The following DRC7 variants were observed in gnomAD, a reference collection of about 807,000 sequenced individuals.
DRC7 encodes dynein regulatory complex subunit 7.
In DRC7, 80 loss-of-function variants were observed where a neutral mutation model predicts 104.4. That is an observed-to-expected ratio of 0.77 (90% CI 0.64 to 0.92). The LOEUF is 0.92. Ranked by LOEUF, DRC7 falls within the 40% of genes least tolerant of loss-of-function variation. DRC7 has a pLI of 0.00. For synonymous variants in DRC7, 405 were observed against 447.3 expected (o/e 0.91, Z 1.19); for missense variants, 1,034 against 1,141.1 (o/e 0.91, Z 1.35).
At chr16:57,728,994 G>A (rs1318480042) in intron 17 of DRC7, among the ~76,000 whole-genome samples, 2 of 150,070 alleles carry the variant, frequency 1.3e-5, no homozygotes, top group Non-Finnish European at 3.0e-5. Flanking sequence ...GAATGGATGG[G>A]TGAGTAGATA....
rs371297408 is a variant in DRC7, at chr16:57,707,561, C to G, written c.960C>G (p.Ile320Met). The change falls in exon 8 of 19, where the codon ATC (isoleucine) becomes ATG (methionine). Residue 320 changes from isoleucine (I) to methionine (M), a missense_variant. By Grantham distance (10) the Ile-to-Met change is conservative (BLOSUM62 1). Coordinates refer to ENST00000360716, the MANE Select transcript of DRC7 (RefSeq NM_001289162.2). The part of the protein sequence containing the change: ...GKREVPENFF[I>M]DPFTGHSYST... ...GCGAGGTGCCTGAGAACTTCTTCATCGACCCATTCACAGGACATAGCTACA... is the reference window on the plus strand; with the variant it reads ...GCGAGGTGCCTGAGAACTTCTTCATGGACCCATTCACAGGACATAGCTACA... 6.2e-7 allele frequency: 1 copy of G among 1,613,568 alleles called. No individual in the cohort carries two copies. The highest frequency in any genetic ancestry group is 8.5e-7 in the Non-Finnish European group (1 of 1,180,018).
In DRC7 at chr16:57,721,820, G is replaced by A. The variant is rs1480309562; in HGVS notation, c.1279+81G>A. The A allele has an allele frequency of 5.8e-6, 6 of 1,040,830 alleles. No homozygotes were observed. In the African/African-American group the frequency reaches 9.5e-5, roughly 16 times the overall value. The allele number at this position is 1,040,830 out of a possible 1,614,324, so 64.5% of individuals were successfully genotyped here. The stretch of plus-strand genomic sequence containing the variant: ...AGAGAGGTCTGCAACAGCGAGGCAG[G>A]GGGACACAGCAGGGAATGCCATGCC... On this transcript the variant is annotated intron_variant, in intron 10 of 18. Coordinates refer to ENST00000360716, the MANE Select transcript of DRC7 (RefSeq NM_001289162.2).
At chr16:57,704,245 G>A (rs2048688485) in intron 6 of DRC7, among the ~76,000 whole-genome samples, 1 of 152,062 alleles carries the variant, frequency 6.6e-6, no homozygotes, top group Admixed American at 6.6e-5. Flanking sequence ...TGGAGACTCA[G>A]GGAACTTGAA....
intron 8 of DRC7, chr16:57,714,808 G>T: frequency 5.5e-6 from 2 of 364,560 alleles, no homozygotes; most frequent in South Asian, 2.4e-5. Context: ...GCTTGCTGGT[G>T]GACCCCCTTC....
In DRC7 at chr16:57,700,902, T is replaced by A. The variant is rs141838233; in HGVS notation, c.504+632T>A. 1.9e-3 allele frequency among the ~76,000 whole-genome samples: 285 copies of A among 152,266 alleles called. 5 individuals carry two copies. In the South Asian group the frequency reaches 0.032, roughly 17 times the overall value. Reference sequence around the variant, plus strand: ...AGGCAGGGGCTTTAGGTGTTTTTTCTAGGGTTGTTTTGCAGCATTTTATTG... The same window carrying A: ...AGGCAGGGGCTTTAGGTGTTTTTTCAAGGGTTGTTTTGCAGCATTTTATTG... On this transcript the variant is annotated intron_variant, in intron 5 of 18. Coordinates refer to ENST00000360716, the MANE Select transcript of DRC7 (RefSeq NM_001289162.2).
In DRC7 at chr16:57,704,862, C is replaced by T. The variant is rs1597796278; in HGVS notation, c.700-14C>T. 3 of 1,612,912 alleles carry T rather than the reference C, an allele frequency of 1.9e-6. No individual in the cohort carries two copies. In the East Asian group the frequency reaches 6.7e-5, roughly 36 times the overall value. Reference sequence around the variant, plus strand: ...TGCAGGGCCACTGACCCTTCCTCTTCTTTTGGGTGACAGACCATCAAGAAG... The same window carrying T: ...TGCAGGGCCACTGACCCTTCCTCTTTTTTTGGGTGACAGACCATCAAGAAG... On this transcript the variant is annotated splice_polypyrimidine_tract_variant and intron_variant, in intron 6 of 18. Coordinates refer to ENST00000360716, the MANE Select transcript of DRC7 (RefSeq NM_001289162.2).
rs59648903 is a variant in DRC7 at position 57,728,949 on chromosome 16, G to A, written c.2391+365G>A. 4.2e-3 allele frequency among the ~76,000 whole-genome samples: 636 copies of A among 151,562 alleles called. 6 individuals are homozygous for A. The highest frequency in any genetic ancestry group is 0.014 in the African/African-American group (584 of 41,264). The stretch of plus-strand genomic sequence containing the variant: ...GCATGAACAGATGGGTGGGTGGATG[G>A]GTGGATAAATGGATGGATAGATGGA... On this transcript the variant is annotated intron_variant, in intron 17 of 18. Transcript: ENST00000360716.
At position 57,702,062 on chromosome 16, in the gene DRC7, G is replaced by A. The variant is rs548125692; in HGVS notation, c.631G>A (p.Gly211Ser). Reference sequence around the variant, plus strand: ...TGATGCTTACTGCGTCAACGGCTACGGCTCGCTGGACCTGTGCCACATGGA... The same window carrying A: ...TGATGCTTACTGCGTCAACGGCTACAGCTCGCTGGACCTGTGCCACATGGA... ...GYDAYCVNGY[G>S]SLDLCHMDLT... is the part of the protein sequence containing the mutation. Residue 211 changes from glycine (G) to serine (S), a missense_variant, in exon 6 of 19, where the codon GGC becomes AGC. Coordinates refer to ENST00000360716, the MANE Select transcript of DRC7 (RefSeq NM_001289162.2). The A allele has an allele frequency of 2.7e-5, 44 of 1,614,190 alleles. No homozygotes were observed. In the South Asian group the frequency reaches 3.6e-4, roughly 13 times the overall value.
chr16:57,695,673 G>C (rs1193813032), intron 1 of DRC7, among the ~76,000 whole-genome samples: 6 of 152,244 alleles, frequency 3.9e-5, no homozygotes, highest in African/African-American at 1.2e-4. Flanking sequence ...CCTAGGCCTT[G>C]GGTGGCTTCC....
In DRC7 at chr16:57,701,718, C is replaced by T. The variant is rs1407055023; in HGVS notation, c.505-218C>T. On this transcript the variant is annotated intron_variant, in intron 5 of 18. Transcript: ENST00000360716. Reference sequence around the variant, plus strand: ...TTTCCCCCTATCAGGAAGTCCATAGCCCCTTCAAATGACAGGCAAATGTGA... The same window carrying T: ...TTTCCCCCTATCAGGAAGTCCATAGTCCCTTCAAATGACAGGCAAATGTGA... 2.2e-5 allele frequency: 12 copies of T among 555,784 alleles called. No individual in the cohort carries two copies. In the East Asian group the frequency reaches 3.6e-4, roughly 17 times the overall value. The allele number at this position is 555,784 out of a possible 1,614,324, so 34.4% of individuals were successfully genotyped here. A position where few individuals can be genotyped will look rare whatever the true frequency, so the allele number is the denominator to read the frequency against.
At position 57,721,671 on chromosome 16, in the gene DRC7, A is replaced by C; in HGVS notation, c.1211A>C (p.Lys404Thr). ...CACCCCCTTCTCTCCCATCAGGGCA[A>C]GGAGGATGAGGATAAGAGCTTCGAC... ...NDEDDVENLG[K>T]EDEDKSFDMP... Residue 404 changes from lysine (K) to threonine (T), a missense_variant, in exon 10 of 19, where the codon AAG (lysine) becomes ACG (threonine). Physicochemically the swap from Lys to Thr is moderately conservative, Grantham distance 78. Coordinates refer to ENST00000360716, the MANE Select transcript of DRC7 (RefSeq NM_001289162.2). 1 of 1,613,388 alleles carries C rather than the reference A, an allele frequency of 6.2e-7. No individual in the cohort carries two copies. Among genetic ancestry groups the C allele is most frequent in the South Asian group, 1.1e-5 (1 of 91,072 alleles).
At chr16:57,721,505 C>T (rs1301608763) in intron 9 of DRC7, among the ~76,000 whole-genome samples, 162 bp from the exon 10 acceptor site, 1 of 152,100 alleles carries the variant, frequency 6.6e-6, no homozygotes, top group African/African-American at 2.4e-5. Context: ...GTCGACTCCT[C>T]CTTTTCCACA....
At position 57,698,008 on chromosome 16, in the gene DRC7, C is replaced by G. The variant is rs2148728068; in HGVS notation, c.59C>G (p.Ala20Gly). ...GAGGAGGCCGAGCGGGAGGAGGCGG[C>G]CGAGTGGGCTGAATGGGCGAGGATG... Reference protein sequence around the residue: ...EEEEAEREEAAEWAEWARMEK... With the variant: ...EEEEAEREEAGEWAEWARMEK... Residue 20 changes from alanine to glycine, a missense_variant, in exon 3 of 19, where the codon GCC becomes GGC. Physicochemically the swap from Ala to Gly is moderately conservative, Grantham distance 60. Coordinates refer to ENST00000360716, the MANE Select transcript of DRC7 (RefSeq NM_001289162.2). The G allele has an allele frequency of 6.2e-7, 1 of 1,613,670 alleles. No homozygotes were observed. The highest frequency in any genetic ancestry group is 1.1e-5 in the South Asian group (1 of 91,070).
At chr16:57,697,430 T>C (rs1375273689) in intron 2 of DRC7, among the ~76,000 whole-genome samples, 1 of 148,994 alleles carries the variant, frequency 6.7e-6, no homozygotes, top group African/African-American at 2.5e-5. Flanking sequence ...TAGCCAGGTG[T>C]GGTGGTGTGC....
chr16:57,716,593 G>A (rs1463960596), intron 8 of DRC7, among the ~76,000 whole-genome samples: 1 of 151,348 alleles, frequency 6.6e-6, no homozygotes, highest in African/African-American at 2.4e-5. Context: ...CAGTCGCTGT[G>A]ACATCTACCA....
chr16:57,705,899 C>G (rs2048716486), intron 7 of DRC7, among the ~76,000 whole-genome samples: 1 of 146,944 alleles, frequency 6.8e-6, no homozygotes, highest in Non-Finnish European at 1.5e-5. Context: ...CCCACTCATC[C>G]TCCCATCCAT....
chr16:57,725,016 A>C (rs1183128745), intron 13 of DRC7, among the ~76,000 whole-genome samples, 181 bp downstream of exon 13: 3 of 152,190 alleles, frequency 2.0e-5, no homozygotes, highest in African/African-American at 7.2e-5. Context: ...GCTTTGAAGA[A>C]ATACCTGAGA....
chr16:57,718,440 A>G lies in DRC7; in HGVS notation c.1171A>G (p.Ser391Gly). 1 of 1,614,124 alleles carries G rather than the reference A, an allele frequency of 6.2e-7. No homozygotes were observed. The highest frequency in any genetic ancestry group is 1.7e-5 in the Admixed American group (1 of 60,020). The change falls in exon 9 of 19, where the codon AGT (serine) becomes GGT (glycine). Residue 391 changes from serine (S) to glycine (G), a missense_variant. Physicochemically the swap from Ser to Gly is moderately conservative, Grantham distance 56 (BLOSUM62 0). Transcript: ENST00000360716. Reference protein sequence around the residue: ...SQLSLTEEDDSGINDEDDVEN... With the variant: ...SQLSLTEEDDGGINDEDDVEN... The stretch of plus-strand genomic sequence containing the variant: ...GCTGTCCTTGACTGAAGAAGACGAC[A>G]GTGGGATAAACGATGAGGATGATGT...
At position 57,701,988 on chromosome 16, in the gene DRC7, G is replaced by A. The variant is rs7196016; in HGVS notation, c.557G>A (p.Cys186Tyr). Reference sequence around the variant, plus strand: ...GTGCTCAAGTACCAGAAGGGGAACTGCTTTGACTTCAGTACGCTGCTCTGC... The same window carrying A: ...GTGCTCAAGTACCAGAAGGGGAACTACTTTGACTTCAGTACGCTGCTCTGC... ...TTVLKYQKGN[C>Y]FDFSTLLCSM... is the part of the protein sequence containing the mutation. The change falls in exon 6 of 19, where the codon TGC (cysteine) becomes TAC (tyrosine). Residue 186 changes from cysteine to tyrosine, a missense_variant. By Grantham distance (194) the Cys-to-Tyr change is radical (BLOSUM62 -2). Coordinates refer to ENST00000360716, the MANE Select transcript of DRC7 (RefSeq NM_001289162.2). The A allele has an allele frequency of 6.2e-7, 1 of 1,613,898 alleles. No individual in the cohort carries two copies. Among genetic ancestry groups the A allele is most frequent in the East Asian group, 2.2e-5 (1 of 44,860 alleles).
Sources: allele counts gnomAD v4.1 joint callset (sites outside exome capture counted in the v4.1 genomes callset), GRCh38; gene constraint gnomAD v4.1.1; transcripts MANE v1.5; gene names NCBI Gene and HGNC (gene_info 2026-07-23, HGNC 2026-07-21).